Variants in AGBL4 observed in about 807,000 individuals in gnomAD.
AGBL4 encodes AGBL carboxypeptidase 4.
AGBL4 carries 58 observed loss-of-function variants against 66.4 expected under a neutral mutation model. The ratio of observed to expected loss-of-function variants is 0.87; its 90% confidence interval spans 0.71 to 1.09. AGBL4 has a LOEUF of 1.09. Among genes scored for constraint, AGBL4 ranks in the 50% least tolerant of loss-of-function variants. AGBL4 has a pLI of 0.00. For missense variants in AGBL4, 579 were observed against 631.0 expected (o/e 0.92, Z 0.88); for synonymous variants, 234 against 222.9 (o/e 1.05, Z -0.44).
At chr1:49,125,094 G>A (rs900347464) in intron 4 of AGBL4, among the ~76,000 whole-genome samples, 9 of 151,854 alleles carry the variant, frequency 5.9e-5, no homozygotes, top group African/African-American at 2.2e-4. Flanking sequence ...AACTCAAAGT[G>A]CACCACAAGA....
chr1:48,777,880 G>A (rs1486542616), intron 6 of AGBL4, among the ~76,000 whole-genome samples: 1 of 152,100 alleles, frequency 6.6e-6, no homozygotes, highest in Non-Finnish European at 1.5e-5. Flanking sequence ...ATGGAATAGC[G>A]GTCTTTGCTC....
chr1:49,882,611 G>T (rs1345119855), intron 1 of AGBL4, among the ~76,000 whole-genome samples: 1 of 152,134 alleles, frequency 6.6e-6, no homozygotes, highest in African/African-American at 2.4e-5. Flanking sequence ...CACATCCATT[G>T]TAAGTTGGAT....
intron 4 of AGBL4, among the ~76,000 whole-genome samples, chr1:49,096,600 A>C (rs1035584306): frequency 1.3e-5 from 2 of 149,788 alleles, no homozygotes; most frequent in Non-Finnish European, 3.0e-5. Context: ...CAAAAAACCA[A>C]ATACTGCATA....
chr1:48,559,896 T>C (rs1015035050), intron 11 of AGBL4, among the ~76,000 whole-genome samples: 5 of 152,166 alleles, frequency 3.3e-5, no homozygotes, highest in African/African-American at 1.2e-4. Flanking sequence ...TCACAGGACC[T>C]GACACACAGT....
chr1:49,673,467 T>C (rs2124533524), intron 3 of AGBL4, among the ~76,000 whole-genome samples: 1 of 152,326 alleles, frequency 6.6e-6, no homozygotes, highest in African/African-American at 2.4e-5. Context: ...TTGCATTGTT[T>C]GTAACTCAAA....
chr1:49,477,671 G>A (rs146725829), intron 3 of AGBL4, among the ~76,000 whole-genome samples: 8 of 152,040 alleles, frequency 5.3e-5, no homozygotes, highest in Middle Eastern at 3.4e-3. Context: ...AAATCTACTA[G>A]CATCAATACC....
In AGBL4 at chr1:48,689,219, A is replaced by AAAAAAAAAAAG. The variant is rs1553207682; in HGVS notation, c.635-25979_635-25978insCTTTTTTTTTT. On this transcript the variant is annotated intron_variant, in intron 6 of 13. Coordinates refer to ENST00000371839, the MANE Select transcript of AGBL4 (RefSeq NM_032785.4). ...ACCCGGTCTCAAAAAAAAAAAAAAA[A>AAAAAAAAAAAG]AAAAGAAAAGAAAAGAAAAGAAACA... 4.7e-4 allele frequency among the ~76,000 whole-genome samples: 66 copies of AAAAAAAAAAAG among 141,566 alleles called. 1 individual carries two copies. Among genetic ancestry groups the AAAAAAAAAAAG allele is most frequent in the African/African-American group, 1.9e-3 (62 of 32,346 alleles). The allele number at this position is 141,566 out of a possible 152,430, so 92.9% of individuals were successfully genotyped here. A position where few individuals can be genotyped will look rare whatever the true frequency, so the allele number is the denominator to read the frequency against.
intron 1 of AGBL4, among the ~76,000 whole-genome samples, chr1:49,869,457 A>C (rs1417656907): frequency 6.6e-6 from 1 of 152,170 alleles, no homozygotes; most frequent in African/African-American, 2.4e-5. Flanking sequence ...ACAAGGATGA[A>C]GCTGGAAGCC....
In AGBL4 at chr1:49,659,201, A is replaced by G. The variant is rs554097258; in HGVS notation, c.282+38112T>C. On this transcript the variant is annotated intron_variant, in intron 3 of 13. Transcript: ENST00000371839. ...AAAGGAAATACCATTATCAGCCACT[A>G]AAAAAACACATTGAAGTACACAGAC... 2.9e-3 allele frequency among the ~76,000 whole-genome samples: 448 copies of G among 152,102 alleles called. 2 individuals carry two copies. The highest frequency in any genetic ancestry group is 5.0e-3 in the Non-Finnish European group (337 of 67,968).
intron 5 of AGBL4, among the ~76,000 whole-genome samples, chr1:48,980,823 CTA>C (rs1185361345): frequency 1.4e-5 from 2 of 144,102 alleles, no homozygotes; most frequent in Non-Finnish European, 3.0e-5. Context: ...ACTAACCACT[CTA>C]TGTTTGAACT....
rs184734046 is a variant in AGBL4, at chr1:49,730,033, C to T, written c.158-32596G>A. Among the ~76,000 whole-genome samples the T allele has an allele frequency of 2.9e-3, 444 of 152,228 alleles. 3 individuals are homozygous for T. The highest frequency in any genetic ancestry group is 5.8e-3 in the Admixed American group (89 of 15,288). On this transcript the variant is annotated intron_variant, in intron 2 of 13. Coordinates refer to ENST00000371839, the MANE Select transcript of AGBL4 (RefSeq NM_032785.4). The stretch of plus-strand genomic sequence containing the variant: ...GGATAATGGTTTTTAACCAATCAAA[C>T]GCTGCCTCTTTCAAGGTTACCTACA...
At chr1:48,719,553 C>G (rs1369625678) in intron 6 of AGBL4, among the ~76,000 whole-genome samples, 6 of 152,218 alleles carry the variant, frequency 3.9e-5, no homozygotes, top group African/African-American at 9.6e-5. Context: ...AGCAGCTCAG[C>G]CTGGAACCAA....
chr1:49,880,734 C>T (rs1387305339), intron 1 of AGBL4, among the ~76,000 whole-genome samples: 5 of 152,160 alleles, frequency 3.3e-5, no homozygotes, highest in African/African-American at 1.2e-4. Context: ...CAAGCCTGGG[C>T]AATGGCGGGC....
chr1:49,886,306 C>T (rs1033994657), intron 1 of AGBL4, among the ~76,000 whole-genome samples: 1 of 152,034 alleles, frequency 6.6e-6, no homozygotes, highest in Non-Finnish European at 1.5e-5. Context: ...CAAAAGGCTT[C>T]CTGGAGAGCA....
In AGBL4 at chr1:49,045,572, CACAG is replaced by C; in HGVS notation, c.594+8_594+11del. 6.2e-7 allele frequency: 1 copy of C among 1,601,220 alleles called. No homozygotes were observed. The highest frequency in any genetic ancestry group is 8.5e-7 in the Non-Finnish European group (1 of 1,173,406). On this transcript the variant is annotated splice_region_variant and intron_variant, in intron 5 of 13. Coordinates refer to ENST00000371839, the MANE Select transcript of AGBL4 (RefSeq NM_032785.4). ...TTCCAAATGAGTAACCCAAACCTGG[CACAG>C]GCCTTACCACACTCTGGCCCAGCTG...
intron 3 of AGBL4, among the ~76,000 whole-genome samples, chr1:49,688,399 A>G (rs892168196): frequency 5.3e-5 from 8 of 152,184 alleles, no homozygotes; most frequent in African/African-American, 1.9e-4. Context: ...GTTGTTGCCA[A>G]TGAAAGGATC....
chr1:49,589,294 A>C (rs1031617936), intron 3 of AGBL4, among the ~76,000 whole-genome samples: 2 of 152,186 alleles, frequency 1.3e-5, no homozygotes, highest in Admixed American at 1.3e-4. Flanking sequence ...TAATTATATG[A>C]CTAAAGGAAA....
At chr1:49,076,260 T>C (rs374366684) in intron 4 of AGBL4, among the ~76,000 whole-genome samples, 1 of 152,192 alleles carries the variant, frequency 6.6e-6, no homozygotes, top group East Asian at 1.9e-4. Context: ...AAGTCCCTTA[T>C]AGAAAATCAC....
At chr1:48,696,244 C>T (rs1393411139) in intron 6 of AGBL4, among the ~76,000 whole-genome samples, 4 of 152,188 alleles carry the variant, frequency 2.6e-5, no homozygotes, top group Non-Finnish European at 5.9e-5. Flanking sequence ...TCCACTTACC[C>T]CCAAGAGGCC....
Sources: gnomAD v4.1 joint callset for allele counts (sites outside exome capture counted in the v4.1 genomes callset) on GRCh38, gnomAD v4.1.1 for gene constraint, MANE v1.5 for transcripts, NCBI Gene and HGNC (gene_info 2026-07-23, HGNC 2026-07-21) for gene names.